Variants in NKAIN2 observed in about 807,000 individuals in gnomAD.
The protein encoded by NKAIN2 is sodium/potassium-transporting ATPase subunit beta-1-interacting protein 2.
In NKAIN2, 14 loss-of-function variants were observed where a neutral mutation model predicts 32.6. The ratio of observed to expected loss-of-function variants is 0.43; its 90% CI spans 0.28 to 0.67. The LOEUF is 0.67. Among genes scored for constraint, NKAIN2 ranks in the 30% least tolerant of loss-of-function variants. The pLI is 0.17. For synonymous variants in NKAIN2, 80 were observed against 87.2 expected, an observed-to-expected ratio of 0.92 and a Z score of 0.46; for missense variants, 198 against 258.3, an observed-to-expected ratio of 0.77 and a Z score of 1.60.
intron 1 of NKAIN2, among the ~76,000 whole-genome samples, chr6:123,982,026 A>G (rs1291463637): frequency 6.6e-6 from 1 of 152,112 alleles, no homozygotes; most frequent in Non-Finnish European, 1.5e-5. Context: ...AGCTTGAAAC[A>G]TTTTCTGTAG....
intron 4 of NKAIN2, among the ~76,000 whole-genome samples, chr6:124,729,091 A>G (rs914139361): frequency 2.1e-4 from 32 of 152,206 alleles, no homozygotes; most frequent in Non-Finnish European, 4.1e-4. Context: ...AAAAGAGTCC[A>G]GGACCAGATG....
At chr6:123,901,169 C>T (rs540465795) in intron 1 of NKAIN2, among the ~76,000 whole-genome samples, 32 of 152,182 alleles carry the variant, frequency 2.1e-4, no homozygotes, top group Non-Finnish European at 2.5e-4. Flanking sequence ...GAAGAACCAC[C>T]AGCTTCTAAT....
At chr6:124,624,001 G>T (rs113803068) in intron 3 of NKAIN2, among the ~76,000 whole-genome samples, 52 of 151,216 alleles carry the variant, frequency 3.4e-4, no homozygotes, top group Non-Finnish European at 5.8e-4. Flanking sequence ...TACTGTGATT[G>T]GTTAGCTTGA....
chr6:124,493,445 A>T (rs182156577), intron 3 of NKAIN2, among the ~76,000 whole-genome samples: 12 of 152,176 alleles, frequency 7.9e-5, no homozygotes, highest in African/African-American at 2.9e-4. Flanking sequence ...TATCATGAAC[A>T]TCCAAACCAT....
chr6:124,535,528 C>T (rs527926332), intron 3 of NKAIN2, among the ~76,000 whole-genome samples: 24 of 152,296 alleles, frequency 1.6e-4, no homozygotes, highest in South Asian at 6.2e-4. Flanking sequence ...ACAAAGCCAA[C>T]GACTTCCTTT....
intron 2 of NKAIN2, among the ~76,000 whole-genome samples, chr6:124,350,210 T>A (rs1798652361): frequency 1.3e-5 from 2 of 152,220 alleles, no homozygotes; most frequent in Non-Finnish European, 2.9e-5. Context: ...TCACATCAAC[T>A]AGTTGTAGCA....
At chr6:124,145,436 A>G (rs185291208) in intron 1 of NKAIN2, among the ~76,000 whole-genome samples, 7 of 152,314 alleles carry the variant, frequency 4.6e-5, no homozygotes, top group African/African-American at 1.7e-4. Flanking sequence ...AGAGAAAGCT[A>G]CTGATATATG....
chr6:123,941,275 A>T (rs1562269096), intron 1 of NKAIN2, among the ~76,000 whole-genome samples: 1 of 149,240 alleles, frequency 6.7e-6, no homozygotes, highest in Non-Finnish European at 1.5e-5. Context: ...TATACTTAAT[A>T]TTTTTTTTTT....
chr6:124,027,078 A>G (rs975743774), intron 1 of NKAIN2, among the ~76,000 whole-genome samples: 2 of 149,988 alleles, frequency 1.3e-5, no homozygotes, highest in Admixed American at 6.6e-5. Flanking sequence ...CGGCTTAGCA[A>G]TTGTTTTCCC....
intron 1 of NKAIN2, among the ~76,000 whole-genome samples, chr6:123,896,438 A>G (rs1258046301): frequency 6.6e-6 from 1 of 152,180 alleles, no homozygotes; most frequent in Non-Finnish European, 1.5e-5. Flanking sequence ...TCAGTATTTA[A>G]ATGAGATAGC....
chr6:124,162,846 T>A (rs967366863), intron 1 of NKAIN2, among the ~76,000 whole-genome samples: 1 of 152,108 alleles, frequency 6.6e-6, no homozygotes, highest in African/African-American at 2.4e-5. Context: ...AATGTGTTCA[T>A]CCTTTCCCAT....
At chr6:124,805,957 C>T (rs148156839) in intron 5 of NKAIN2, among the ~76,000 whole-genome samples, 3,807 of 152,110 alleles carry the variant, frequency 0.025, 131 homozygotes, top group African/African-American at 0.084. Context: ...TAAAAAGAAA[C>T]GAACAAAGCC....
At chr6:124,226,208 C>T (rs1015009984) in intron 1 of NKAIN2, among the ~76,000 whole-genome samples, 20 of 151,854 alleles carry the variant, frequency 1.3e-4, no homozygotes, top group South Asian at 2.1e-4. Context: ...AAAAAAATTA[C>T]TTTTATGTGA....
intron 3 of NKAIN2, among the ~76,000 whole-genome samples, chr6:124,539,379 CT>C (rs561969605): frequency 1.0e-4 from 15 of 149,568 alleles, no homozygotes; most frequent in African/African-American, 1.7e-4. Context: ...AATACTCTCT[CT>C]TTTTTTTTTC....
At chr6:124,699,349 G>A (rs1774655156) in intron 4 of NKAIN2, among the ~76,000 whole-genome samples, 1 of 152,120 alleles carries the variant, frequency 6.6e-6, no homozygotes, top group Non-Finnish European at 1.5e-5. Context: ...AGTTTGGAGG[G>A]GGACGGCAAC....
chr6:124,332,502 T>G (rs1363185347), intron 2 of NKAIN2, among the ~76,000 whole-genome samples: 1 of 152,226 alleles, frequency 6.6e-6, no homozygotes, highest in Non-Finnish European at 1.5e-5. Context: ...CTACTGAATT[T>G]GATCAACACA....
At chr6:124,599,606 C>A (rs778783004) in intron 3 of NKAIN2, among the ~76,000 whole-genome samples, 1 of 152,128 alleles carries the variant, frequency 6.6e-6, no homozygotes, top group Non-Finnish European at 1.5e-5. Flanking sequence ...ATGGTGGATA[C>A]TTCTTGGGTG....
chr6:124,620,040 C>A (rs1407918672), intron 3 of NKAIN2, among the ~76,000 whole-genome samples: 1 of 152,252 alleles, frequency 6.6e-6, no homozygotes, highest in African/African-American at 2.4e-5. Flanking sequence ...TGTTTTAAAG[C>A]TACCTGGCTC....
intron 1 of NKAIN2, among the ~76,000 whole-genome samples, chr6:123,852,291 T>TTG (rs1554214848): frequency 6.6e-6 from 1 of 151,892 alleles, no homozygotes; most frequent in African/African-American, 2.4e-5. Context: ...TTCTTTTTTT[T>TTG]TGTGATGAGC....
Sources: allele counts gnomAD v4.1 joint callset (sites outside exome capture counted in the v4.1 genomes callset), GRCh38; gene constraint gnomAD v4.1.1; transcripts MANE v1.5; gene names NCBI Gene and HGNC (gene_info 2026-07-23, HGNC 2026-07-21).